ACSS3: variants seen among roughly 807,000 people sequenced by gnomAD.
The protein encoded by ACSS3 is acyl-CoA synthetase short-chain family member 3, mitochondrial.
In ACSS3, 64 loss-of-function variants were observed where a neutral mutation model predicts 84.2. That is an observed-to-expected ratio of 0.76 (90% CI 0.62 to 0.94). The LOEUF is 0.94. Among genes scored for constraint, ACSS3 ranks in the 40% least tolerant of loss-of-function variants. The pLI, the probability that ACSS3 is intolerant of heterozygous loss-of-function variation, is 0.00. For synonymous variants in ACSS3, 317 were observed against 310.1 expected (o/e 1.02, Z -0.23); for missense variants, 815 against 867.6 (o/e 0.94, Z 0.76).
At chr12:81,109,874 A>C (rs1327415372) in intron 2 of ACSS3, among the ~76,000 whole-genome samples, 170 bp downstream of exon 2, 1 of 152,222 alleles carries the variant, frequency 6.6e-6, no homozygotes, top group Non-Finnish European at 1.5e-5. Context: ...TCATGTAGAC[A>C]GTTTTTATAG....
intron 7 of ACSS3, among the ~76,000 whole-genome samples, chr12:81,170,766 G>A (rs189244959): frequency 6.9e-4 from 105 of 152,074 alleles, no homozygotes; most frequent in African/African-American, 2.4e-3. Context: ...TAGAATCAAC[G>A]TCTTTTTCTT....
chr12:81,174,126 T>C (rs574479962), intron 7 of ACSS3, among the ~76,000 whole-genome samples: 1 of 152,334 alleles, frequency 6.6e-6, no homozygotes, highest in South Asian at 2.1e-4. Flanking sequence ...ACTTGCCTAT[T>C]TTCCACTTTT....
chr12:81,142,245 A>G (rs1448265663), intron 4 of ACSS3, among the ~76,000 whole-genome samples: 4 of 152,178 alleles, frequency 2.6e-5, no homozygotes, highest in African/African-American at 9.6e-5. Flanking sequence ...CATGTTCGCC[A>G]ATTATAAACT....
intron 1 of ACSS3, among the ~76,000 whole-genome samples, chr12:81,093,328 C>T (rs945488448): frequency 6.6e-6 from 1 of 151,868 alleles, no homozygotes; most frequent in African/African-American, 2.4e-5. Context: ...TGGCTCATGC[C>T]TGTTGTCTCA....
rs2033264497 is a variant in ACSS3, at chr12:81,226,134, T to G, written c.1515-4923T>G. ...CCCCACTCCATTGAAATGACAATCATGAGAAAACTCAAAACATCTTAATTA... is the reference window on the plus strand; with the variant it reads ...CCCCACTCCATTGAAATGACAATCAGGAGAAAACTCAAAACATCTTAATTA... On this transcript the variant is annotated intron_variant, in intron 11 of 15. Transcript: ENST00000548058. 3.3e-5 allele frequency among the ~76,000 whole-genome samples: 5 copies of G among 151,938 alleles called. No individual in the cohort carries two copies. In the South Asian group the frequency reaches 1.0e-3, roughly 31 times the overall value.
At chr12:81,197,029 T>C (rs2031870859) in intron 8 of ACSS3, among the ~76,000 whole-genome samples, 1 of 152,216 alleles carries the variant, frequency 6.6e-6, no homozygotes, top group Admixed American at 6.5e-5. Context: ...TTTTATTCTG[T>C]GAATATCTTT....
At chr12:81,128,224 C>A (rs934719057) in intron 2 of ACSS3, among the ~76,000 whole-genome samples, 3 of 151,842 alleles carry the variant, frequency 2.0e-5, no homozygotes, top group Non-Finnish European at 4.4e-5. Context: ...TAAGGACCAA[C>A]CATTTCCTTC....
At chr12:81,186,053 C>T (rs1350413888) in intron 8 of ACSS3, among the ~76,000 whole-genome samples, 1 of 151,584 alleles carries the variant, frequency 6.6e-6, no homozygotes, top group Non-Finnish European at 1.5e-5. Flanking sequence ...AGAAATAGAT[C>T]CAAACGTATA....
intron 7 of ACSS3, 63 bp from the exon 8 acceptor site, chr12:81,174,725 T>C: frequency 6.5e-7 from 1 of 1,527,002 alleles, no homozygotes; most frequent in Non-Finnish European, 9.0e-7. Flanking sequence ...TGTATAACTA[T>C]TGAACTGTCA....
At chr12:81,221,852 C>G (rs993243341) in intron 11 of ACSS3, among the ~76,000 whole-genome samples, 23 of 152,010 alleles carry the variant, frequency 1.5e-4, no homozygotes, top group African/African-American at 5.1e-4. Flanking sequence ...AGCACTTTAG[C>G]AGCATACATT....
chr12:81,161,326 C>T (rs1207924930), intron 7 of ACSS3, among the ~76,000 whole-genome samples: 3 of 152,132 alleles, frequency 2.0e-5, no homozygotes, highest in South Asian at 2.1e-4. Context: ...GGAGAAAACT[C>T]GGTGGTCTCT....
chr12:81,108,928 T>A (rs1312949409), intron 1 of ACSS3, among the ~76,000 whole-genome samples: 1 of 152,198 alleles, frequency 6.6e-6, no homozygotes. Flanking sequence ...AAGGAAAACA[T>A]TGATCGATTA....
At chr12:81,137,775 T>A (rs1885885341) in intron 3 of ACSS3, among the ~76,000 whole-genome samples, 1 of 152,084 alleles carries the variant, frequency 6.6e-6, no homozygotes, top group African/African-American at 2.4e-5. Flanking sequence ...TTCTAAGGAA[T>A]GCTATCTAGA....
At chr12:81,228,387 G>T (rs909465296) in intron 11 of ACSS3, among the ~76,000 whole-genome samples, 22 of 151,766 alleles carry the variant, frequency 1.4e-4, no homozygotes, top group African/African-American at 5.3e-4. Context: ...AATGTGTATT[G>T]TCCTTGTTCT....
intron 1 of ACSS3, among the ~76,000 whole-genome samples, chr12:81,098,771 A>G (rs987971647): frequency 2.9e-4 from 44 of 152,216 alleles, no homozygotes; most frequent in African/African-American, 1.1e-3. Flanking sequence ...CTCAGGCCTT[A>G]ACATTGTACT....
chr12:81,173,816 G>T (rs1275526245), intron 7 of ACSS3, among the ~76,000 whole-genome samples: 1 of 152,092 alleles, frequency 6.6e-6, no homozygotes, highest in East Asian at 1.9e-4. Context: ...GGAAATATTA[G>T]ATACAGTTAC....
chr12:81,225,758 C>G (rs1464961684), intron 11 of ACSS3, among the ~76,000 whole-genome samples: 1 of 151,860 alleles, frequency 6.6e-6, no homozygotes, highest in Non-Finnish European at 1.5e-5. Flanking sequence ...AGTTTATATC[C>G]TTGTATCGTT....
At chr12:81,194,530 G>A (rs911889736) in intron 8 of ACSS3, among the ~76,000 whole-genome samples, 1 of 151,834 alleles carries the variant, frequency 6.6e-6, no homozygotes, top group African/African-American at 2.4e-5. Flanking sequence ...TCAATAAATA[G>A]TAAAGTGATT....
intron 13 of ACSS3, among the ~76,000 whole-genome samples, chr12:81,237,093 G>T (rs1016974910): frequency 1.2e-4 from 18 of 151,396 alleles, no homozygotes; most frequent in African/African-American, 4.1e-4. Flanking sequence ...AAGTAAAATA[G>T]CCCCAGGAGC....
Sources: allele counts gnomAD v4.1 joint callset (sites outside exome capture counted in the v4.1 genomes callset), GRCh38; gene constraint gnomAD v4.1.1; transcripts MANE v1.5; gene names NCBI Gene and HGNC (gene_info 2026-07-23, HGNC 2026-07-21).